The following EFNA5 variants were observed in gnomAD, a reference collection of about 807,000 sequenced individuals.
EFNA5 encodes the protein ephrin A5.
In EFNA5, 5 loss-of-function variants were observed where a neutral mutation model predicts 22.9. The ratio of observed to expected loss-of-function variants is 0.22; its 90% CI spans 0.11 to 0.46. EFNA5 has a LOEUF of 0.46. Ranked by LOEUF, EFNA5 falls within the 20% of genes least tolerant of loss-of-function variation. The pLI is 0.99. For synonymous variants in EFNA5, 113 were observed against 112.2 expected, an observed-to-expected ratio of 1.01 and a Z score of -0.04; for missense variants, 237 against 293.3, an observed-to-expected ratio of 0.81 and a Z score of 1.40.
intron 1 of EFNA5, among the ~76,000 whole-genome samples, chr5:107,480,278 AC>A (rs1750423795): frequency 6.6e-6 from 1 of 152,234 alleles, no homozygotes; most frequent in African/African-American, 2.4e-5. Context: ...AACAGTATAC[AC>A]TTTTATCCAC....
chr5:107,521,456 C>CTA (rs56039409), intron 1 of EFNA5, among the ~76,000 whole-genome samples: 1,527 of 124,364 alleles, frequency 0.012, 21 homozygotes, highest in East Asian at 0.023. Flanking sequence ...CCACACCTGG[C>CTA]TATATATATA....
chr5:107,402,500 G>T (rs1244419192), intron 2 of EFNA5, among the ~76,000 whole-genome samples: 1 of 152,166 alleles, frequency 6.6e-6, no homozygotes, highest in Admixed American at 6.5e-5. Flanking sequence ...CAGTCTGAAA[G>T]ATGTAAACAC....
At chr5:107,407,197 T>C (rs1192823616) in intron 2 of EFNA5, among the ~76,000 whole-genome samples, 1 of 152,200 alleles carries the variant, frequency 6.6e-6, no homozygotes, top group Non-Finnish European at 1.5e-5. Flanking sequence ...TTGAGTCTAA[T>C]GCAGGCCCTA....
intron 1 of EFNA5, among the ~76,000 whole-genome samples, chr5:107,449,498 A>T (rs1375242176): frequency 6.6e-6 from 1 of 152,124 alleles, no homozygotes; most frequent in Non-Finnish European, 1.5e-5. Flanking sequence ...GTAGCTTATC[A>T]CATCATCCCT....
intron 1 of EFNA5, among the ~76,000 whole-genome samples, chr5:107,523,751 C>T (rs1156436517): frequency 6.6e-6 from 1 of 152,208 alleles, no homozygotes; most frequent in Non-Finnish European, 1.5e-5. Context: ...TTTGTAATAA[C>T]AAATCAGACT....
intron 2 of EFNA5, among the ~76,000 whole-genome samples, chr5:107,413,328 A>G (rs902742244): frequency 6.6e-6 from 1 of 152,178 alleles, no homozygotes; most frequent in Non-Finnish European, 1.5e-5. Context: ...GTGATTAAGT[A>G]CAGATCACTG....
chr5:107,536,695 C>G (rs1332344724), intron 1 of EFNA5, among the ~76,000 whole-genome samples: 1 of 152,114 alleles, frequency 6.6e-6, no homozygotes, highest in Non-Finnish European at 1.5e-5. Context: ...ATCAGCCTGC[C>G]AACATGGCAA....
intron 1 of EFNA5, among the ~76,000 whole-genome samples, chr5:107,569,342 G>A (rs1748724281): frequency 7.5e-6 from 1 of 132,932 alleles, no homozygotes; most frequent in Non-Finnish European, 1.5e-5. Context: ...AAGGACTGCA[G>A]ACTACCCTTA....
intron 1 of EFNA5, among the ~76,000 whole-genome samples, chr5:107,567,376 C>T (rs980848774): frequency 6.6e-5 from 10 of 152,206 alleles, no homozygotes; most frequent in Non-Finnish European, 1.2e-4. Flanking sequence ...ACCCTGGCTT[C>T]CAGTTTTGCT....
Position 107,470,088 on chromosome 5 carries a change from A to C in EFNA5, c.126-42579T>G, listed in dbSNP as rs187730444. Among the ~76,000 whole-genome samples the C allele has an allele frequency of 3.1e-3, 470 of 152,310 alleles. 10 individuals carry two copies. Among genetic ancestry groups the C allele is most frequent in the Non-Finnish European group, 9.8e-4 (67 of 68,024 alleles). ...ATAGTTCCAGGAGAATGAGATTCTC[A>C]GTCTAAAATTCATTAGGAGGGGCTC... On this transcript the variant is annotated intron_variant, in intron 1 of 4. Coordinates refer to ENST00000333274, the MANE Select transcript of EFNA5 (RefSeq NM_001962.3).
Position 107,394,166 on chromosome 5 carries a change from G to A in EFNA5, c.419-6395C>T, listed in dbSNP as rs1024658897. 9.2e-5 allele frequency among the ~76,000 whole-genome samples: 14 copies of A among 152,174 alleles called. 1 individual carries two copies. Among genetic ancestry groups the A allele is most frequent in the Admixed American group, 9.2e-4 (14 of 15,274 alleles). On this transcript the variant is annotated intron_variant, in intron 2 of 4. Transcript: ENST00000333274. ...AACTTTTGGGATTTAAAAGTCATGT[G>A]CTTTAATGACTCGCTCATGGCCCCG...
intron 1 of EFNA5, among the ~76,000 whole-genome samples, chr5:107,576,335 T>C (rs186802753): frequency 6.6e-6 from 1 of 152,294 alleles, no homozygotes; most frequent in Admixed American, 6.5e-5. Flanking sequence ...AATGAGCTAA[T>C]AACATGACTG....
At chr5:107,515,381 T>TTATTAA in intron 1 of EFNA5, among the ~76,000 whole-genome samples, 1 of 148,028 alleles carries the variant, frequency 6.8e-6, no homozygotes, top group South Asian at 2.1e-4. Flanking sequence ...ATTATTATTA[T>TTATTAA]TATTATTATT....
chr5:107,666,417 T>A (rs1418066030), intron 1 of EFNA5, among the ~76,000 whole-genome samples: 1 of 152,130 alleles, frequency 6.6e-6, no homozygotes, highest in South Asian at 2.1e-4. Context: ...CACATTACTT[T>A]CACAACTCCA....
chr5:107,614,592 T>C (rs972683288), intron 1 of EFNA5, among the ~76,000 whole-genome samples: 45 of 152,246 alleles, frequency 3.0e-4, no homozygotes, highest in African/African-American at 1.0e-3. Context: ...CATACCATCT[T>C]TGAGTACCTG....
Position 107,648,760 on chromosome 5 carries a change from T to C in EFNA5, c.125+21729A>G, listed in dbSNP as rs542557048. On this transcript the variant is annotated intron_variant, in intron 1 of 4. Coordinates refer to ENST00000333274, the MANE Select transcript of EFNA5 (RefSeq NM_001962.3). ...TAACTTCAGTGTGGTTTTCCAGATA[T>C]AAATATTTAAAGCCATGTCTGAAAA... 5.3e-5 allele frequency among the ~76,000 whole-genome samples: 8 copies of C among 152,002 alleles called. No homozygotes were observed. The East Asian group carries it at 1.4e-3, about 26-fold the overall frequency.
At chr5:107,652,894 TA>T (rs201669505) in intron 1 of EFNA5, among the ~76,000 whole-genome samples, 3 of 150,180 alleles carry the variant, frequency 2.0e-5, no homozygotes, top group Non-Finnish European at 4.4e-5. Context: ...TTTCTTTTTC[TA>T]AAAAAAAATA....
intron 1 of EFNA5, among the ~76,000 whole-genome samples, chr5:107,463,110 C>G (rs764995846): frequency 3.3e-4 from 50 of 152,088 alleles, no homozygotes; most frequent in Non-Finnish European, 6.0e-4. Flanking sequence ...GTTCTATAGT[C>G]TTTAATTCAA....
At chr5:107,650,588 A>T (rs1054268999) in intron 1 of EFNA5, among the ~76,000 whole-genome samples, 3 of 152,182 alleles carry the variant, frequency 2.0e-5, no homozygotes, top group Non-Finnish European at 4.4e-5. Flanking sequence ...CAGAAAGCAA[A>T]ATCTGCATTT....
Sources: gnomAD v4.1 joint callset for allele counts (sites outside exome capture counted in the v4.1 genomes callset) on GRCh38, gnomAD v4.1.1 for gene constraint, MANE v1.5 for transcripts, NCBI Gene and HGNC (gene_info 2026-07-23, HGNC 2026-07-21) for gene names.